Variants in KCNQ2 observed in about 807,000 individuals in gnomAD.
KCNQ2 encodes the protein potassium voltage-gated channel subfamily Q member 2.
Under a neutral mutation model 84.8 loss-of-function variants are expected in KCNQ2, and 14 were observed. That is an observed-to-expected ratio of 0.17 (90% CI 0.11 to 0.26). The LOEUF is 0.26. Among genes scored for constraint, KCNQ2 ranks in the 10% least tolerant of loss-of-function variants. The pLI is 1.00. For synonymous variants in KCNQ2, 599 were observed against 554.1 expected, an observed-to-expected ratio of 1.08 and a Z score of -1.14; for missense variants, 788 against 1,254.0, an observed-to-expected ratio of 0.63 and a Z score of 5.61.
At position 63,454,983 on chromosome 20, in the gene KCNQ2, G is replaced by A. The variant is rs572790792; in HGVS notation, c.297-8146C>T. Among the ~76,000 whole-genome samples, 51 of 152,290 alleles carry A rather than the reference G, an allele frequency of 3.3e-4. No homozygotes were observed. The South Asian group carries it at 8.3e-3, about 25-fold the overall frequency. ...TAAGCTGGGGGACACAGCCCACCAC[G>A]GGGCACTCAGCTGAGGTCTCGCTGG... On this transcript the variant is annotated intron_variant, in intron 1 of 16. Coordinates refer to ENST00000359125, the MANE Select transcript of KCNQ2 (RefSeq NM_172107.4).
intron 11 of KCNQ2, among the ~76,000 whole-genome samples, chr20:63,423,179 G>A (rs1443700473): frequency 2.6e-5 from 4 of 152,178 alleles, no homozygotes; most frequent in Non-Finnish European, 4.4e-5. Context: ...AGCATTGCCC[G>A]TCTTTCCAGC....
intron 1 of KCNQ2, among the ~76,000 whole-genome samples, chr20:63,448,749 G>A (rs1039356336): frequency 2.6e-5 from 4 of 152,286 alleles, no homozygotes; most frequent in East Asian, 3.9e-4. Flanking sequence ...CACAGGCACG[G>A]GCATCCTGGG....
chr20:63,468,235 C>A (rs964097350), intron 1 of KCNQ2, among the ~76,000 whole-genome samples: 2 of 152,188 alleles, frequency 1.3e-5, no homozygotes, highest in African/African-American at 2.4e-5. Context: ...AGATTTCCTA[C>A]ACAGGAGGCT....
At chr20:63,418,419 A>T (rs554057371) in intron 12 of KCNQ2, among the ~76,000 whole-genome samples, 2 of 152,206 alleles carry the variant, frequency 1.3e-5, no homozygotes, top group Non-Finnish European at 2.9e-5. Context: ...GCTGAGGAGC[A>T]TCCAGACCCC....
In KCNQ2 at chr20:63,406,110, G is replaced by A. The variant is rs536307333; in HGVS notation, c.*534C>T. 6.4e-5 allele frequency: 10 copies of A among 155,198 alleles called. No individual in the cohort carries two copies. Among genetic ancestry groups the A allele is most frequent in the Non-Finnish European group, 1.0e-4 (7 of 69,878 alleles). The allele number at this position is 155,198 out of a possible 1,614,324, so 9.6% of individuals were successfully genotyped here. On this transcript the variant is annotated 3_prime_UTR_variant, in exon 17 of 17. Coordinates refer to ENST00000359125, the MANE Select transcript of KCNQ2 (RefSeq NM_172107.4). ...GAGGTGGGGAACAGGAAAGCCCGCC[G>A]GGCAGGTCAGGTGTGAAGGCAGAGG... is the stretch of plus-strand genomic sequence containing the variant.
chr20:63,451,460 A>G (rs2081613698), intron 1 of KCNQ2, among the ~76,000 whole-genome samples: 1 of 152,198 alleles, frequency 6.6e-6, no homozygotes, highest in Non-Finnish European at 1.5e-5. Context: ...CAGAAGCTCT[A>G]GGGAGAACCT....
intron 5 of KCNQ2, among the ~76,000 whole-genome samples, chr20:63,440,025 G>A (rs917466079): frequency 2.0e-5 from 3 of 152,250 alleles, no homozygotes; most frequent in South Asian, 2.1e-4. Context: ...CTGCATCCCC[G>A]CCAGGTGAAG....
chr20:63,463,061 G>A (rs1239177995), intron 1 of KCNQ2, among the ~76,000 whole-genome samples: 15 of 102,310 alleles, frequency 1.5e-4, no homozygotes, highest in Non-Finnish European at 3.4e-4. Context: ...TTTTCTGTGT[G>A]TGTGTGTGTG....
chr20:63,456,130 C>A (rs1310895212), intron 1 of KCNQ2, among the ~76,000 whole-genome samples: 2 of 140,246 alleles, frequency 1.4e-5, no homozygotes, highest in East Asian at 2.2e-4. Flanking sequence ...CGGGAGGCCC[C>A]TCTGCCCACA....
chr20:63,471,817 C>A (rs1311420032), intron 1 of KCNQ2: 1 of 241,486 alleles, frequency 4.1e-6, no homozygotes, highest in Admixed American at 5.9e-5. Context: ...AGAGTCCAGA[C>A]CCAGCGCTGC....
At chr20:63,442,876 TATCACC>T (rs2081242791) in intron 4 of KCNQ2, among the ~76,000 whole-genome samples, 1 of 3,626 alleles carries the variant, frequency 2.8e-4, no homozygotes, top group Non-Finnish European at 5.1e-4. Context: ...CCATCACCAT[TATCACC>T]ACCACCATCA....
intron 11 of KCNQ2, among the ~76,000 whole-genome samples, chr20:63,420,183 G>A (rs934167002): frequency 6.6e-6 from 1 of 152,236 alleles, no homozygotes; most frequent in African/African-American, 2.4e-5. Context: ...CCCAGGAGGC[G>A]TGGCTGCCAC....
At position 63,472,255 on chromosome 20, in the gene KCNQ2, C is replaced by T. The variant is rs1233641462; in HGVS notation, c.209G>A (p.Arg70His). The change falls in exon 1 of 17, where the codon CGC (arginine) becomes CAC (histidine). Residue 70 changes from arginine (R) to histidine (H), a missense_variant. Physicochemically the swap from Arg to His is conservative, Grantham distance 29 (BLOSUM62 0). Around this residue, in one of 8 missense-constraint regions of KCNQ2, gnomAD observed 106 missense variants for 214.8 expected, o/e 0.49. Transcript: ENST00000359125. ...CTGCAGCTTGCGGTAGAAGGCGTTG[C>T]GCTTGGGGGGCTTCCCGGCGCCCGC... ...GGAGAGKPPK[R>H]NAFYRKLQNF... 6.5e-7 allele frequency: 1 copy of T among 1,538,808 alleles called. No individual in the cohort carries two copies. Among genetic ancestry groups the T allele is most frequent in the Admixed American group, 2.0e-5 (1 of 50,188 alleles).
rs1470980696 is a variant in KCNQ2 at position 63,438,088 on chromosome 20, G to T, written c.1023+537C>A. ...CTCCCAAAGTGCTGGGATTGCAGGC[G>T]TGAGCCACTGTGCCCGGCCATTGTC... is the stretch of plus-strand genomic sequence containing the variant. On this transcript the variant is annotated intron_variant, in intron 7 of 16. Coordinates refer to ENST00000359125, the MANE Select transcript of KCNQ2 (RefSeq NM_172107.4). This position sits in a 1 kb window ranked among gnomAD's most constrained non-coding sequence, Gnocchi z 5.1. 2 of 165,174 alleles carry T rather than the reference G, an allele frequency of 1.2e-5. No individual in the cohort carries two copies. Among genetic ancestry groups the T allele is most frequent in the African/African-American group, 2.4e-5 (1 of 41,826 alleles). 10.2% of individuals were successfully genotyped at this position (165,174 alleles called of 1,614,324 possible). A position where few individuals can be genotyped will look rare whatever the true frequency, so the allele number is the denominator to read the frequency against.
intron 15 of KCNQ2, chr20:63,412,015 G>C (rs1267546898): frequency 8.2e-6 from 5 of 608,166 alleles, no homozygotes; most frequent in Non-Finnish European, 1.5e-5. Context: ...CTCCCACAGA[G>C]GGTGTGGACG....
At chr20:63,415,459 C>T (rs1373935203) in intron 12 of KCNQ2, among the ~76,000 whole-genome samples, 35 of 113,058 alleles carry the variant, frequency 3.1e-4, no homozygotes, top group African/African-American at 1.2e-3. Context: ...CCACGGGGAC[C>T]GAGCACCCGG....
intron 1 of KCNQ2, among the ~76,000 whole-genome samples, chr20:63,458,639 C>G (rs978150597): frequency 3.9e-5 from 6 of 152,192 alleles, no homozygotes; most frequent in Non-Finnish European, 8.8e-5. Context: ...CAGCGGTCTG[C>G]TCGCCCTCCC....
At chr20:63,453,194 G>A (rs1218001183) in intron 1 of KCNQ2, among the ~76,000 whole-genome samples, 2 of 152,176 alleles carry the variant, frequency 1.3e-5, no homozygotes, top group African/African-American at 4.8e-5. Flanking sequence ...TCCTCCGCCC[G>A]CCGCCACAGG....
chr20:63,472,114 T>A lies in KCNQ2; in HGVS notation c.296+54A>T, dbSNP rs567554875. On this transcript the variant is annotated intron_variant, in intron 1 of 16. Transcript: ENST00000359125. Reference sequence around the variant, plus strand: ...AGCCTGGCCGGGGTCGCCGATGGGGTCGCCGATGGGGGTCGCCATGGGGGT... The same window carrying A: ...AGCCTGGCCGGGGTCGCCGATGGGGACGCCGATGGGGGTCGCCATGGGGGT... 157 of 1,324,950 alleles carry A rather than the reference T, an allele frequency of 1.2e-4. No individual in the cohort carries two copies. In the African/African-American group the frequency reaches 2.1e-3, roughly 18 times the overall value. The allele number at this position is 1,324,950 out of a possible 1,614,324, so 82.1% of individuals were successfully genotyped here. A position where few individuals can be genotyped will look rare whatever the true frequency, so the allele number is the denominator to read the frequency against.
Sources: allele counts gnomAD v4.1 joint callset (sites outside exome capture counted in the v4.1 genomes callset), GRCh38; gene constraint gnomAD v4.1.1; regional missense constraint gnomAD v4.1.1; non-coding constraint Gnocchi (gnomAD v3.1); transcripts MANE v1.5; gene names NCBI Gene and HGNC (gene_info 2026-07-23, HGNC 2026-07-21).